UBXN7: variants seen among roughly 807,000 people sequenced by gnomAD.
The protein encoded by UBXN7 is UBX domain protein 7.
Under a neutral mutation model 58.0 loss-of-function variants are expected in UBXN7, and 9 were observed. The observed-to-expected ratio is 0.16, with a 90% CI of 0.09 to 0.27. The LOEUF (loss-of-function observed/expected upper bound fraction) is 0.27. UBXN7 is among the 10% of genes least tolerant of loss of function. The pLI, the probability that UBXN7 is intolerant of heterozygous loss-of-function variation, is 1.00. For missense variants in UBXN7, 328 were observed against 599.6 expected (o/e 0.55, Z 4.73); for synonymous variants, 208 against 205.0 (o/e 1.01, Z -0.12).
At chr3:196,385,281 G>A (rs947636187) in intron 5 of UBXN7, among the ~76,000 whole-genome samples, 8 of 152,246 alleles carry the variant, frequency 5.3e-5, no homozygotes, top group Non-Finnish European at 1.0e-4. Context: ...CGGGATTGCA[G>A]ACGGAGTCTC....
chr3:196,362,640 G>C lies in UBXN7; in HGVS notation c.882C>G (p.Ile294Met). Residue 294 changes from isoleucine (I) to methionine (M), a missense_variant, in exon 9 of 11, where the codon ATC becomes ATG. Transcript: ENST00000296328. ...AATGTGTTTCTTGTAAGGAGGCTCT[G>C]ATGGCAGCTTCTAGCTGGCTGTCTT... is the stretch of plus-strand genomic sequence containing the variant. ...ASEDSQLEAA[I>M]RASLQETHFD... The C allele has an allele frequency of 6.2e-7, 1 of 1,612,972 alleles. No individual in the cohort carries two copies.
intron 1 of UBXN7, among the ~76,000 whole-genome samples, chr3:196,420,245 T>G (rs1730637180): frequency 6.6e-6 from 1 of 152,092 alleles, no homozygotes; most frequent in African/African-American, 2.4e-5. Context: ...AAAATGGGCT[T>G]TTTGGGACTG....
chr3:196,396,196 C>T (rs1245293866), intron 3 of UBXN7, among the ~76,000 whole-genome samples: 2 of 150,722 alleles, frequency 1.3e-5, no homozygotes, highest in Non-Finnish European at 2.9e-5. Flanking sequence ...TATTTTTGAT[C>T]AAGAGCTCCT....
chr3:196,362,449 C>T lies in UBXN7; in HGVS notation c.1073G>A (p.Arg358Lys), dbSNP rs763595579. 1.5e-5 allele frequency: 24 copies of T among 1,614,052 alleles called. No homozygotes were observed. Among genetic ancestry groups the T allele is most frequent in the Non-Finnish European group, 1.9e-5 (22 of 1,180,040 alleles). ...CAGCGGCCTTCTATTCTCCTCTTTT[C>T]TATGCCCCAAATCTTTGTGGGGAGA... ...RKSPHKDLGHRKEENRRPLTE... is the reference protein window; with the variant it reads ...RKSPHKDLGHKKEENRRPLTE... The change falls in exon 9 of 11, where the codon AGA (arginine) becomes AAA (lysine). Residue 358 changes from arginine to lysine, a missense_variant. Around this residue, in one of 4 missense-constraint regions of UBXN7, gnomAD observed 66 missense variants for 77.9 expected, o/e 0.85. Coordinates refer to ENST00000296328, the MANE Select transcript of UBXN7 (RefSeq NM_015562.2).
At chr3:196,411,842 G>A (rs1730338207) in intron 1 of UBXN7, among the ~76,000 whole-genome samples, 2 of 152,106 alleles carry the variant, frequency 1.3e-5, no homozygotes, top group South Asian at 2.1e-4. Context: ...ATGACATGGA[G>A]TAGCTATAGC....
At chr3:196,378,563 G>A (rs1279806857) in intron 5 of UBXN7, among the ~76,000 whole-genome samples, 1 of 152,240 alleles carries the variant, frequency 6.6e-6, no homozygotes, top group Non-Finnish European at 1.5e-5. Context: ...TAATCAAGGA[G>A]TGGATTACTT....
intron 3 of UBXN7, among the ~76,000 whole-genome samples, chr3:196,401,362 AAAAT>A (rs562842796): frequency 1.1e-3 from 159 of 146,694 alleles, no homozygotes; most frequent in Middle Eastern, 3.6e-3. Flanking sequence ...AAAAATTAAA[AAAAT>A]AAATAAAAAG....
chr3:196,396,750 G>A (rs1475806098), intron 3 of UBXN7, among the ~76,000 whole-genome samples: 11 of 152,026 alleles, frequency 7.2e-5, no homozygotes, highest in Non-Finnish European at 8.8e-5. Flanking sequence ...GCCACAGAGC[G>A]AGACTCCATC....
In UBXN7 at chr3:196,361,939, A is replaced by T. The variant is rs543758051; in HGVS notation, c.1229-16T>A. 2.5e-3 allele frequency: 944 copies of T among 376,182 alleles called. 1 individual carries two copies. The highest frequency in any genetic ancestry group is 0.02 in the African/African-American group (804 of 40,950). The allele number at this position is 376,182 out of a possible 1,614,324, so 23.3% of individuals were successfully genotyped here. A position where few individuals can be genotyped will look rare whatever the true frequency, so the allele number is the denominator to read the frequency against. ...GCTTTTGGTCCTAAAGGAAGGGTTT[A>T]AAAAAAAAAAAAAAACGGGATACAG... is the stretch of plus-strand genomic sequence containing the variant. On this transcript the variant is annotated splice_polypyrimidine_tract_variant and intron_variant, in intron 9 of 10. Coordinates refer to ENST00000296328, the MANE Select transcript of UBXN7 (RefSeq NM_015562.2).
At chr3:196,401,318 CACAT>C (rs199800864) in intron 3 of UBXN7, among the ~76,000 whole-genome samples, 2,797 of 95,826 alleles carry the variant, frequency 0.029, 123 homozygotes, top group East Asian at 0.09. Context: ...CACACACACA[CACAT>C]ATATATATAT....
intron 1 of UBXN7, among the ~76,000 whole-genome samples, chr3:196,408,240 A>ATGTAC (rs1307630684): frequency 7.9e-5 from 12 of 152,290 alleles, no homozygotes; most frequent in Middle Eastern, 6.8e-3. Context: ...CCTATTACAA[A>ATGTAC]TGTACTCATT....
chr3:196,422,875 A>C (rs899258255), intron 1 of UBXN7, among the ~76,000 whole-genome samples: 2 of 152,340 alleles, frequency 1.3e-5, no homozygotes, highest in South Asian at 2.1e-4. Flanking sequence ...ATAAATGCAT[A>C]AACAAACCAC....
intron 1 of UBXN7, among the ~76,000 whole-genome samples, chr3:196,430,304 A>G (rs547315133): frequency 6.6e-6 from 1 of 151,880 alleles, no homozygotes. Context: ...GCAGTGAGCC[A>G]AGATCGTGCC....
intron 5 of UBXN7, among the ~76,000 whole-genome samples, chr3:196,386,380 T>TAAAAAAAAAAAAAAAAA (rs34268326): frequency 1.7e-5 from 1 of 57,730 alleles, no homozygotes. Context: ...TAATAAACAC[T>TAAAAAAAAAAAAAAAAA]AAAAAAAAAA....
Position 196,372,300 on chromosome 3 carries a change from T to TTCTCTCTCTCTCTC in UBXN7, c.469-272_469-259dup, listed in dbSNP as rs144595952. On this transcript the variant is annotated intron_variant, in intron 5 of 10. Transcript: ENST00000296328. ...TCCAGTTATTTGTTATAATAGCTGA[T>TTCTCTCTCTCTCTC]TCTCTCTCTCTCTCTCTCTCTCTCT... is the stretch of plus-strand genomic sequence containing the variant. 3.4e-3 allele frequency among the ~76,000 whole-genome samples: 460 copies of TTCTCTCTCTCTCTC among 133,608 alleles called. 5 individuals carry two copies. Among genetic ancestry groups the TTCTCTCTCTCTCTC allele is most frequent in the Non-Finnish European group, 5.4e-3 (341 of 63,078 alleles). The allele number at this position is 133,608 out of a possible 152,430, so 87.7% of individuals were successfully genotyped here.
In UBXN7 at chr3:196,425,445, T is replaced by A. The variant is rs530640235; in HGVS notation, c.73+6882A>T. On this transcript the variant is annotated intron_variant, in intron 1 of 10. Coordinates refer to ENST00000296328, the MANE Select transcript of UBXN7 (RefSeq NM_015562.2). ...TTTTAATAAATAAAATTTTAATACA[T>A]TTTGTAGAGATGGGGTCTCACTATG... Among the ~76,000 whole-genome samples, 11 of 152,090 alleles carry A rather than the reference T, an allele frequency of 7.2e-5. No homozygotes were observed. In the East Asian group the frequency reaches 2.1e-3, roughly 29 times the overall value.
intron 1 of UBXN7, among the ~76,000 whole-genome samples, chr3:196,417,276 C>A (rs1426919607): frequency 4.6e-5 from 7 of 152,192 alleles, no homozygotes; most frequent in East Asian, 1.9e-4. Flanking sequence ...CGCGCGACTG[C>A]ACTCCAGCCT....
Position 196,372,300 on chromosome 3 carries a change from T to TTCTCTCTCTCTC in UBXN7, c.469-270_469-259dup, listed in dbSNP as rs144595952. 8.1e-3 allele frequency among the ~76,000 whole-genome samples: 1,083 copies of TTCTCTCTCTCTC among 133,600 alleles called. 8 individuals are homozygous for TTCTCTCTCTCTC. Among genetic ancestry groups the TTCTCTCTCTCTC allele is most frequent in the Middle Eastern group, 0.011 (3 of 262 alleles). The allele number at this position is 133,600 out of a possible 152,430, so 87.6% of individuals were successfully genotyped here. A position where few individuals can be genotyped will look rare whatever the true frequency, so the allele number is the denominator to read the frequency against. The stretch of plus-strand genomic sequence containing the variant: ...TCCAGTTATTTGTTATAATAGCTGA[T>TTCTCTCTCTCTC]TCTCTCTCTCTCTCTCTCTCTCTCT... On this transcript the variant is annotated intron_variant, in intron 5 of 10. Transcript: ENST00000296328.
At chr3:196,405,867 A>G (rs1730146243) in intron 2 of UBXN7, among the ~76,000 whole-genome samples, 1 of 152,222 alleles carries the variant, frequency 6.6e-6, no homozygotes, top group Non-Finnish European at 1.5e-5. Context: ...CAAGTTATAT[A>G]TAGGGCAATT....
Sources: allele counts gnomAD v4.1 joint callset (sites outside exome capture counted in the v4.1 genomes callset), GRCh38; gene constraint gnomAD v4.1.1; regional missense constraint gnomAD v4.1.1; transcripts MANE v1.5; gene names NCBI Gene and HGNC (gene_info 2026-07-23, HGNC 2026-07-21).